Variants in CFAP92 observed in about 807,000 individuals in gnomAD.
The protein encoded by CFAP92 is cilia and flagella associated protein 92 (putative), also known as uncharacterized protein CFAP92.
In CFAP92, 86 loss-of-function variants were observed where a neutral mutation model predicts 106.3. The observed-to-expected ratio is 0.81, with a 90% confidence interval of 0.68 to 0.97. The LOEUF is 0.97. Ranked by LOEUF, CFAP92 falls within the 50% of genes least tolerant of loss-of-function variation. The pLI is 0.00. For missense variants in CFAP92, 1,204 were observed against 1,283.8 expected (o/e 0.94, Z 0.95); for synonymous variants, 477 against 506.4 (o/e 0.94, Z 0.78).
chr3:128,956,196 T>TAAA (rs577724635), intron 9 of CFAP92, among the ~76,000 whole-genome samples: 2 of 61,678 alleles, frequency 3.2e-5, no homozygotes, highest in African/African-American at 9.2e-5. Flanking sequence ...AAAAAAAAAA[T>TAAA]AAAAAAAAAA....
chr3:128,971,422 C>A lies in CFAP92; in HGVS notation c.1033G>T (p.Asp345Tyr). The A allele has an allele frequency of 1.2e-6, 2 of 1,607,568 alleles. No homozygotes were observed. Among genetic ancestry groups the A allele is most frequent in the Non-Finnish European group, 1.7e-6 (2 of 1,176,950 alleles). The change falls in exon 8 of 16, where the codon GAT becomes TAT. Residue 345 changes from aspartate to tyrosine, a missense_variant. Physicochemically the swap from Asp to Tyr is radical, Grantham distance 160. Transcript: ENST00000645291. ...TGGATTTTCCTTCTTCCCTCTGAATCTTTCCCTTTAACTGTGAAATCAAAC... is the reference window on the plus strand; with the variant it reads ...TGGATTTTCCTTCTTCCCTCTGAATATTTCCCTTTAACTGTGAAATCAAAC... ...DRQRSQIKGK[D>Y]SEGRRKIQRR...
intron 8 of CFAP92, chr3:128,970,508 AAG>A (rs1942709259): frequency 1.3e-5 from 2 of 152,204 alleles, no homozygotes; most frequent in African/African-American, 4.8e-5. Context: ...TTTCTCTAAA[AAG>A]AAAAAAAAAG....
At chr3:129,012,715 C>T in the CFAP92 span, among the ~76,000 whole-genome samples, 2 of 152,132 alleles carry the variant, frequency 1.3e-5, no homozygotes, top group African/African-American at 2.4e-5. Context: ...GGACAACTCC[C>T]AAAACGAAGG....
At chr3:128,993,533 C>A in intron 1 of CFAP92, 197 bp from the exon 2 acceptor site, 1 of 600,332 alleles carries the variant, frequency 1.7e-6, no homozygotes, top group Non-Finnish European at 2.9e-6. Flanking sequence ...GATGAAGGAA[C>A]AACAGATAAG....
chr3:128,966,449 A>G (rs1942366662), intron 8 of CFAP92: 1 of 152,264 alleles, frequency 6.6e-6, no homozygotes, highest in South Asian at 2.1e-4. Flanking sequence ...TGAGCCAAAT[A>G]CAAGCGTGCA....
intron 10 of CFAP92, among the ~76,000 whole-genome samples, chr3:128,943,044 T>G (rs1331342770): frequency 6.7e-6 from 1 of 148,188 alleles, no homozygotes; most frequent in Non-Finnish European, 1.5e-5. Flanking sequence ...CTCAGCCTCC[T>G]GAGTAGCTGG....
At chr3:128,995,009 G>A (rs752394049), upstream of CFAP92, among the ~76,000 whole-genome samples, 6 of 152,228 alleles carry the variant, frequency 3.9e-5, no homozygotes, top group Non-Finnish European at 8.8e-5. Context: ...CACAGGGCAG[G>A]TTAGGGCACA....
intron 10 of CFAP92, among the ~76,000 whole-genome samples, chr3:128,944,615 G>A (rs537901003): frequency 5.9e-5 from 9 of 152,316 alleles, no homozygotes; most frequent in East Asian, 1.9e-4. Flanking sequence ...AGGGCTACCC[G>A]CTGCAGCCCA....
chr3:128,978,446 G>A, intron 4 of CFAP92: 1 of 278,708 alleles, frequency 3.6e-6, no homozygotes, highest in South Asian at 5.7e-5. Context: ...ACCTTATTGG[G>A]GCCAGATACG....
In CFAP92 at chr3:128,915,114, G is replaced by GT; in HGVS notation, c.3280+4dup. ...GGCCCAGCTTGGCAAACCCTTGCCT[G>GT]TTACCTGTTACAGGCTTTGGTGCGG... On this transcript the variant is annotated splice_donor_region_variant and intron_variant, in intron 15 of 15. Coordinates refer to ENST00000645291, the MANE Select transcript of CFAP92 (RefSeq NM_001394090.1). 6.5e-7 allele frequency: 1 copy of GT among 1,535,492 alleles called. No homozygotes were observed. Among genetic ancestry groups the GT allele is most frequent in the African/African-American group, 1.4e-5 (1 of 73,158 alleles).
At chr3:128,956,196 T>TAAAAAAAAAAAAAAAAAAAAAAAAAA (rs577724635) in intron 9 of CFAP92, among the ~76,000 whole-genome samples, 1 of 61,710 alleles carries the variant, frequency 1.6e-5, no homozygotes, top group East Asian at 4.3e-4. Context: ...AAAAAAAAAA[T>TAAAAAAAAAAAAAAAAAAAAAAAAAA]AAAAAAAAAA....
chr3:128,921,084 C>T (rs909206484), intron 12 of CFAP92, among the ~76,000 whole-genome samples: 4 of 152,200 alleles, frequency 2.6e-5, no homozygotes, highest in African/African-American at 7.2e-5. Context: ...TTCACAGCCT[C>T]CATACTAGTG....
At position 128,978,277 on chromosome 3, in the gene CFAP92, C is replaced by A. The variant is rs538804112; in HGVS notation, c.668-92G>T. The A allele has an allele frequency of 1.6e-3, 2,265 of 1,384,554 alleles. 12 individuals carry two copies. The highest frequency in any genetic ancestry group is 5.9e-3 in the South Asian group (442 of 75,256). 85.8% of individuals were successfully genotyped at this position (1,384,554 alleles called of 1,614,324 possible). A position where few individuals can be genotyped will look rare whatever the true frequency, so the allele number is the denominator to read the frequency against. Reference sequence around the variant, plus strand: ...ATGGGCATTTCTTGGAGACACTGGGCGTTCGGTTTCAGACTACACTAAAGT... The same window carrying A: ...ATGGGCATTTCTTGGAGACACTGGGAGTTCGGTTTCAGACTACACTAAAGT... On this transcript the variant is annotated intron_variant, in intron 4 of 15. Coordinates refer to ENST00000645291, the MANE Select transcript of CFAP92 (RefSeq NM_001394090.1).
chr3:129,004,398 C>G (rs1230924576), upstream of CFAP92, among the ~76,000 whole-genome samples: 5 of 135,858 alleles, frequency 3.7e-5, no homozygotes, highest in Non-Finnish European at 6.4e-5. Context: ...CATCCACTCA[C>G]CCATCCATCC....
intron 12 of CFAP92, among the ~76,000 whole-genome samples, chr3:128,920,074 C>T (rs182639694): frequency 5.9e-5 from 9 of 152,032 alleles, no homozygotes; most frequent in Admixed American, 5.9e-4. Context: ...AGAAACAGAC[C>T]CCAGGTAATC....
chr3:128,955,964 T>C (rs1941335343), intron 9 of CFAP92, among the ~76,000 whole-genome samples: 1 of 61,722 alleles, frequency 1.6e-5, no homozygotes, highest in Non-Finnish European at 2.8e-5. Flanking sequence ...GTTAAACAGA[T>C]GCTTGAAGGC....
chr3:128,926,878 A>C (rs984784410), intron 12 of CFAP92, among the ~76,000 whole-genome samples: 9 of 151,722 alleles, frequency 5.9e-5, no homozygotes, highest in African/African-American at 2.2e-4. Flanking sequence ...GGCAGATCAC[A>C]AGGTCAGGAG....
chr3:128,981,008 T>C (rs1158710601), intron 4 of CFAP92, among the ~76,000 whole-genome samples: 3 of 151,946 alleles, frequency 2.0e-5, no homozygotes, highest in Non-Finnish European at 4.4e-5. Context: ...ACATCTAGAA[T>C]GGGGAATCCT....
intron 12 of CFAP92, among the ~76,000 whole-genome samples, chr3:128,928,281 G>T (rs944272532): frequency 6.6e-6 from 1 of 152,126 alleles, no homozygotes; most frequent in Non-Finnish European, 1.5e-5. Context: ...AAATCCCCAT[G>T]AAATTCCTAT....
Sources: gnomAD v4.1 joint callset for allele counts (sites outside exome capture counted in the v4.1 genomes callset) on GRCh38, gnomAD v4.1.1 for gene constraint, MANE v1.5 for transcripts, NCBI Gene and HGNC (gene_info 2026-07-23, HGNC 2026-07-21) for gene names.